Variants in SH3RF3 observed in about 807,000 individuals in gnomAD.
The protein encoded by SH3RF3 is SH3 domain containing ring finger 3, also known as E3 ubiquitin-protein ligase SH3RF3.
In SH3RF3, 29 loss-of-function variants were observed where a neutral mutation model predicts 66.3. That is an observed-to-expected ratio of 0.44 (90% CI 0.33 to 0.60). The LOEUF (loss-of-function observed/expected upper bound fraction) is 0.60. Ranked by LOEUF, SH3RF3 falls within the 20% of genes least tolerant of loss-of-function variation. The pLI is 0.04. For missense variants in SH3RF3, 1,194 were observed against 1,190.9 expected, an observed-to-expected ratio of 1.00 and a Z score of -0.04; for synonymous variants, 583 against 532.0, an observed-to-expected ratio of 1.10 and a Z score of -1.32.
At chr2:109,440,043 A>G (rs1191621479) in intron 7 of SH3RF3, among the ~76,000 whole-genome samples, 1 of 152,220 alleles carries the variant, frequency 6.6e-6, no homozygotes, top group Non-Finnish European at 1.5e-5. Flanking sequence ...TGAGCAGACA[A>G]AAGAGAAAGG....
intron 1 of SH3RF3, among the ~76,000 whole-genome samples, chr2:109,326,479 G>T (rs748965339): frequency 6.6e-6 from 1 of 152,154 alleles, no homozygotes; most frequent in Non-Finnish European, 1.5e-5. Context: ...GGTGAGAGAC[G>T]TTTCCTTCTG....
At chr2:109,206,244 A>G (rs1215882336) in intron 1 of SH3RF3, among the ~76,000 whole-genome samples, 2 of 152,100 alleles carry the variant, frequency 1.3e-5, no homozygotes, top group Non-Finnish European at 2.9e-5. Flanking sequence ...TAATCCCAGC[A>G]CTTTGGGAGG....
chr2:109,138,943 A>C (rs778584395), intron 1 of SH3RF3, among the ~76,000 whole-genome samples: 24 of 152,270 alleles, frequency 1.6e-4, no homozygotes, highest in Non-Finnish European at 2.2e-4. Context: ...CACTGTAAAC[A>C]AATAGCCAAT....
At chr2:109,498,216 C>T (rs1416142693) in intron 9 of SH3RF3, among the ~76,000 whole-genome samples, 2 of 152,226 alleles carry the variant, frequency 1.3e-5, no homozygotes, top group East Asian at 1.9e-4. Context: ...CCATGGGAAC[C>T]AGTCCAACCA....
intron 1 of SH3RF3, among the ~76,000 whole-genome samples, chr2:109,214,011 G>C (rs1327367244): frequency 6.6e-6 from 1 of 152,178 alleles, no homozygotes; most frequent in African/African-American, 2.4e-5. Context: ...GCAGGGGAGG[G>C]AGGAGCTCTG....
At chr2:109,263,689 G>T (rs193034767) in intron 1 of SH3RF3, among the ~76,000 whole-genome samples, 1 of 152,200 alleles carries the variant, frequency 6.6e-6, no homozygotes, top group Non-Finnish European at 1.5e-5. Context: ...ATGTGAGGCC[G>T]GGTGCGGTGG....
At chr2:109,147,804 C>T (rs1395124679) in intron 1 of SH3RF3, among the ~76,000 whole-genome samples, 1 of 152,118 alleles carries the variant, frequency 6.6e-6, no homozygotes, top group Non-Finnish European at 1.5e-5. Flanking sequence ...GGAGCCTAGC[C>T]CATTGATCTG....
intron 1 of SH3RF3, among the ~76,000 whole-genome samples, chr2:109,241,416 G>C (rs552337017): frequency 6.6e-6 from 1 of 152,244 alleles, no homozygotes; most frequent in East Asian, 1.9e-4. Flanking sequence ...AGATGCATTG[G>C]GGGAAAAAAT....
intron 9 of SH3RF3, among the ~76,000 whole-genome samples, chr2:109,492,593 A>G (rs1422934245): frequency 6.6e-6 from 1 of 152,108 alleles, no homozygotes; most frequent in African/African-American, 2.4e-5. Context: ...GAACCTTCCC[A>G]CGAACCCTAT....
chr2:109,222,187 C>T (rs1330953442), intron 1 of SH3RF3, among the ~76,000 whole-genome samples: 1 of 152,120 alleles, frequency 6.6e-6, no homozygotes, highest in Non-Finnish European at 1.5e-5. Context: ...ATGCCAGTGT[C>T]TGGAAAGGAT....
chr2:109,244,467 G>A (rs1451835464), intron 1 of SH3RF3, among the ~76,000 whole-genome samples: 1 of 152,194 alleles, frequency 6.6e-6, no homozygotes, highest in Non-Finnish European at 1.5e-5. Context: ...TCTTCCTGAT[G>A]TGTTGGAACT....
chr2:109,221,650 C>T (rs1173910180), intron 1 of SH3RF3, among the ~76,000 whole-genome samples: 3 of 150,388 alleles, frequency 2.0e-5, no homozygotes, highest in Non-Finnish European at 4.4e-5. Context: ...TTTTCATAAA[C>T]CTGTTGGCCA....
intron 1 of SH3RF3, among the ~76,000 whole-genome samples, chr2:109,324,153 T>C (rs1407784626): frequency 6.6e-6 from 1 of 152,248 alleles, no homozygotes; most frequent in Admixed American, 6.5e-5. Flanking sequence ...CATGTTTTTA[T>C]GGCTGAATAA....
At chr2:109,475,371 C>T (rs573740464) in intron 8 of SH3RF3, among the ~76,000 whole-genome samples, 1 of 152,338 alleles carries the variant, frequency 6.6e-6, no homozygotes, top group East Asian at 1.9e-4. Context: ...AAAGCAAACC[C>T]ACGCAAAGTG....
chr2:109,400,422 A>G (rs1676275610), intron 4 of SH3RF3, among the ~76,000 whole-genome samples: 1 of 152,160 alleles, frequency 6.6e-6, no homozygotes, highest in Non-Finnish European at 1.5e-5. Context: ...ACACCTGTGC[A>G]CATATGTGCA....
intron 1 of SH3RF3, among the ~76,000 whole-genome samples, chr2:109,154,535 C>G (rs887276627): frequency 1.3e-5 from 2 of 152,188 alleles, no homozygotes; most frequent in African/African-American, 2.4e-5. Flanking sequence ...GGTGAAGAAA[C>G]CAAGGCTCCC....
intron 1 of SH3RF3, among the ~76,000 whole-genome samples, chr2:109,290,346 G>A (rs1359156753): frequency 6.6e-6 from 1 of 152,214 alleles, no homozygotes; most frequent in Non-Finnish European, 1.5e-5. Flanking sequence ...GAGTAAATGA[G>A]TGATAAGAGA....
intron 7 of SH3RF3, 111 bp downstream of exon 7, chr2:109,437,257 G>C: frequency 7.0e-7 from 1 of 1,426,082 alleles, no homozygotes; most frequent in Non-Finnish European, 9.3e-7. Context: ...GTGGCTGGTG[G>C]CAGCTTCATG....
intron 1 of SH3RF3, among the ~76,000 whole-genome samples, chr2:109,132,975 T>C (rs1425168309): frequency 1.3e-5 from 2 of 152,266 alleles, no homozygotes; most frequent in Non-Finnish European, 2.9e-5. Context: ...TTTTAAATCC[T>C]TGACTTATAT....
Sources: gnomAD v4.1 joint callset for allele counts (sites outside exome capture counted in the v4.1 genomes callset) on GRCh38, gnomAD v4.1.1 for gene constraint, MANE v1.5 for transcripts, NCBI Gene and HGNC (gene_info 2026-07-23, HGNC 2026-07-21) for gene names.